The following MAP3K20 variants were observed in gnomAD, a reference collection of about 807,000 sequenced individuals.
MAP3K20 encodes the protein mitogen-activated protein kinase kinase kinase 20.
In MAP3K20, 40 loss-of-function variants were observed where a neutral mutation model predicts 85.7. The ratio of observed to expected loss-of-function variants is 0.47; its 90% CI spans 0.36 to 0.61. The LOEUF is 0.61. Ranked by LOEUF, MAP3K20 falls within the 20% of genes least tolerant of loss-of-function variation. MAP3K20 has a pLI of 0.00. For synonymous variants in MAP3K20, 325 were observed against 327.7 expected, an observed-to-expected ratio of 0.99 and a Z score of 0.09; for missense variants, 817 against 961.7, an observed-to-expected ratio of 0.85 and a Z score of 1.99.
chr2:173,165,447 C>T (rs1689787963), intron 2 of MAP3K20, among the ~76,000 whole-genome samples: 2 of 152,020 alleles, frequency 1.3e-5, no homozygotes, highest in African/African-American at 2.4e-5. Context: ...CAGTCTGTCC[C>T]AGTCTTTTCT....
intron 2 of MAP3K20, among the ~76,000 whole-genome samples, chr2:173,134,590 G>T (rs1288533555): frequency 6.7e-6 from 1 of 149,660 alleles, no homozygotes; most frequent in East Asian, 1.9e-4. Flanking sequence ...GACTTAGTTG[G>T]TCTTAGTTAG....
intron 2 of MAP3K20, among the ~76,000 whole-genome samples, chr2:173,125,644 C>CT (rs1185008347): frequency 1.3e-5 from 2 of 151,976 alleles, no homozygotes; most frequent in African/African-American, 4.8e-5. Flanking sequence ...AGTAGGCTTT[C>CT]TTTTCTTTAT....
At chr2:173,224,188 T>A (rs2106324190) in intron 11 of MAP3K20, 3 of 946,286 alleles carry the variant, frequency 3.2e-6, no homozygotes, top group East Asian at 2.3e-4. Context: ...TTGAGGTTTT[T>A]AAAGTGTGGT....
intron 2 of MAP3K20, among the ~76,000 whole-genome samples, chr2:173,130,922 GT>G (rs1439029646): frequency 6.6e-6 from 1 of 152,062 alleles, no homozygotes; most frequent in Non-Finnish European, 1.5e-5. Flanking sequence ...ACTGAAACAT[GT>G]GGCTATGACT....
intron 16 of MAP3K20, among the ~76,000 whole-genome samples, chr2:173,255,557 G>A (rs930075185): frequency 6.6e-6 from 1 of 152,160 alleles, no homozygotes; most frequent in Non-Finnish European, 1.5e-5. Context: ...AACATGCCTA[G>A]AGCATAGTAA....
chr2:173,154,025 G>C (rs990950993), intron 2 of MAP3K20, among the ~76,000 whole-genome samples: 2 of 151,820 alleles, frequency 1.3e-5, no homozygotes, highest in Non-Finnish European at 2.9e-5. Context: ...ACCGAAATTT[G>C]ACATAAATAT....
chr2:173,184,426 G>C (rs539337736), intron 4 of MAP3K20, among the ~76,000 whole-genome samples: 75 of 152,260 alleles, frequency 4.9e-4, no homozygotes, highest in African/African-American at 1.8e-3. Context: ...TTCCTGCTGT[G>C]CTCTACTTAA....
intron 2 of MAP3K20, among the ~76,000 whole-genome samples, chr2:173,145,798 CTAGTA>C (rs1289605371): frequency 6.6e-6 from 1 of 151,962 alleles, no homozygotes; most frequent in African/African-American, 2.4e-5. Flanking sequence ...CCAAAAAAGA[CTAGTA>C]TAAGAATATT....
chr2:173,181,256 C>T (rs1169093043), intron 3 of MAP3K20, among the ~76,000 whole-genome samples: 1 of 152,066 alleles, frequency 6.6e-6, no homozygotes, highest in Non-Finnish European at 1.5e-5. Flanking sequence ...GTCACATGCA[C>T]CTGTAATCCC....
At chr2:173,163,562 A>G (rs1315700375) in intron 2 of MAP3K20, among the ~76,000 whole-genome samples, 1 of 152,090 alleles carries the variant, frequency 6.6e-6, no homozygotes, top group Non-Finnish European at 1.5e-5. Flanking sequence ...AGCTCCATCC[A>G]TGTTTCTGCA....
intron 2 of MAP3K20, among the ~76,000 whole-genome samples, chr2:173,159,668 A>T (rs1574066902): frequency 6.6e-6 from 1 of 152,156 alleles, no homozygotes; most frequent in East Asian, 1.9e-4. Context: ...GGGACTGCAG[A>T]GGTGAGCCAC....
At chr2:173,123,962 A>G (rs980304754) in intron 2 of MAP3K20, among the ~76,000 whole-genome samples, 9 of 152,144 alleles carry the variant, frequency 5.9e-5, no homozygotes, top group Non-Finnish European at 1.2e-4. Flanking sequence ...TACAATCTTT[A>G]TATTCATCAT....
intron 2 of MAP3K20, among the ~76,000 whole-genome samples, chr2:173,130,997 G>A (rs1184465508): frequency 5.9e-5 from 9 of 152,158 alleles, no homozygotes; most frequent in Non-Finnish European, 1.3e-4. Flanking sequence ...TGAAAACAAT[G>A]TGCATGCTAT....
At chr2:173,237,529 G>C (rs1684682079) in intron 14 of MAP3K20, among the ~76,000 whole-genome samples, 2 of 152,092 alleles carry the variant, frequency 1.3e-5, no homozygotes, top group African/African-American at 4.8e-5. Flanking sequence ...TCTCAGGTTG[G>C]TACTTTTTTA....
At chr2:173,226,624 T>C in intron 11 of MAP3K20, 1 of 985,858 alleles carries the variant, frequency 1.0e-6, no homozygotes, top group Non-Finnish European at 1.2e-6. Context: ...CCACCTTTGT[T>C]TGCACTCTGT....
chr2:173,214,357 G>GTGAC (rs1684005643), intron 10 of MAP3K20: 1 of 152,150 alleles, frequency 6.6e-6, no homozygotes, highest in Non-Finnish European at 1.5e-5. Flanking sequence ...CATTAACCAT[G>GTGAC]TGACTGTAGA....
chr2:173,115,449 G>A (rs968465792), intron 2 of MAP3K20, among the ~76,000 whole-genome samples: 3 of 152,016 alleles, frequency 2.0e-5, no homozygotes, highest in Non-Finnish European at 2.9e-5. Context: ...TTGTATTGCT[G>A]GTGGCTAGTG....
chr2:173,162,440 CT>C (rs1689686460), intron 2 of MAP3K20, among the ~76,000 whole-genome samples: 1 of 152,096 alleles, frequency 6.6e-6, no homozygotes, highest in South Asian at 2.1e-4. Context: ...AATCCCAGCA[CT>C]TTTGGAGGCT....
chr2:173,096,410 G>A (rs1687462924), intron 2 of MAP3K20, among the ~76,000 whole-genome samples: 2 of 149,192 alleles, frequency 1.3e-5, no homozygotes, highest in Non-Finnish European at 3.0e-5. Context: ...TGCAATCTCC[G>A]TTCACTGCAA....
Sources: allele counts gnomAD v4.1 joint callset (sites outside exome capture counted in the v4.1 genomes callset), GRCh38; gene constraint gnomAD v4.1.1; transcripts MANE v1.5; gene names NCBI Gene and HGNC (gene_info 2026-07-23, HGNC 2026-07-21).